OS9: variants seen among roughly 807,000 people sequenced by gnomAD.
OS9 encodes the protein protein OS-9.
Under a neutral mutation model 84.7 loss-of-function variants are expected in OS9, and 58 were observed. That is an observed-to-expected ratio of 0.68 (90% CI 0.55 to 0.85). The LOEUF (loss-of-function observed/expected upper bound fraction) is 0.85. Ranked by LOEUF, OS9 falls within the 40% of genes least tolerant of loss-of-function variation. The pLI is 0.00. For synonymous variants in OS9, 278 were observed against 320.8 expected (o/e 0.87, Z 1.43); for missense variants, 760 against 850.9 (o/e 0.89, Z 1.33).
chr12:57,710,267 T>C (rs1412727810), intron 5 of OS9, among the ~76,000 whole-genome samples: 1 of 152,232 alleles, frequency 6.6e-6, no homozygotes, highest in Non-Finnish European at 1.5e-5. Context: ...TCATTTCATC[T>C]AACTTTTAAG....
chr12:57,709,139 G>A (rs1475587152), intron 5 of OS9, among the ~76,000 whole-genome samples: 1 of 152,020 alleles, frequency 6.6e-6, no homozygotes, highest in African/African-American at 2.4e-5. Context: ...TTCTTTGCTC[G>A]TTTTCCTAAT....
chr12:57,718,974 C>A lies in OS9; in HGVS notation c.1411-19C>A. The A allele has an allele frequency of 6.2e-7, 1 of 1,601,600 alleles. No homozygotes were observed. The highest frequency in any genetic ancestry group is 8.5e-7 in the Non-Finnish European group (1 of 1,170,810). On this transcript the variant is annotated intron_variant, in intron 11 of 14. Transcript: ENST00000315970. The stretch of plus-strand genomic sequence containing the variant: ...ACACCCCAGACCCTTGACTCACTCT[C>A]TTCTCTTGGGTATTCCAGACAGAGA...
chr12:57,713,474 G>A (rs1303662360), intron 5 of OS9, among the ~76,000 whole-genome samples: 2 of 152,116 alleles, frequency 1.3e-5, no homozygotes, highest in Admixed American at 6.5e-5. Flanking sequence ...GCAAGCTTCC[G>A]TGAGGGCAAT....
intron 5 of OS9, among the ~76,000 whole-genome samples, chr12:57,702,836 A>C (rs1390497238): frequency 6.6e-6 from 1 of 152,138 alleles, no homozygotes; most frequent in African/African-American, 2.4e-5. Context: ...CCTAGTGATT[A>C]ATGATGTTGA....
Position 57,694,943 on chromosome 12 carries a change from T to G in OS9, c.339+17T>G. On this transcript the variant is annotated intron_variant, in intron 2 of 14. Transcript: ENST00000315970. ...TTGCTGAAGGTGAAAGGGACTGGGT[T>G]AGATAGAATGAGGGCTTGGAAACTA... The G allele has an allele frequency of 6.2e-7, 1 of 1,612,218 alleles. No homozygotes were observed. Among genetic ancestry groups the G allele is most frequent in the Non-Finnish European group, 8.5e-7 (1 of 1,178,396 alleles).
rs771655938 is a variant in OS9 at position 57,720,463 on chromosome 12, G to T, written c.1823G>T (p.Arg608Leu). 6.2e-7 allele frequency: 1 copy of T among 1,614,096 alleles called. No individual in the cohort carries two copies. The highest frequency in any genetic ancestry group is 8.5e-7 in the Non-Finnish European group (1 of 1,179,892). Residue 608 changes from arginine to leucine, a missense_variant, in exon 14 of 15, where the codon CGT (arginine) becomes CTT (leucine). Arg to Leu is a moderately radical substitution (Grantham distance 102). Transcript: ENST00000315970. Reference sequence around the variant, plus strand: ...GCTGAAGGGACTGAAGAGGGTGCACGTTGGCTGACTGATGAGGACACGAGA... The same window carrying T: ...GCTGAAGGGACTGAAGAGGGTGCACTTTGGCTGACTGATGAGGACACGAGA... ...PWAEGTEEGA[R>L]WLTDEDTRNL...
At chr12:57,696,095 G>T in intron 4 of OS9, 57 bp downstream of exon 4, 1 of 1,370,840 alleles carries the variant, frequency 7.3e-7, no homozygotes, top group South Asian at 1.2e-5. Flanking sequence ...TGAGAGCCCT[G>T]ACAAGAAGGG....
rs1954554146 is a variant in OS9, at chr12:57,717,955, A to G, written c.1131A>G (p.Lys377=). 6.2e-7 allele frequency: 1 copy of G among 1,609,836 alleles called. No homozygotes were observed. Among genetic ancestry groups the G allele is most frequent in the Non-Finnish European group, 8.5e-7 (1 of 1,178,478 alleles). ...RFIEELKGGT[K]KGKPNIGQEQ... ...TAGAGGAGCTGAAAGGTGGAACAAA[A>G]AAGGTATAGGCCGTGCTTAGGGAAT... The change falls in exon 10 of 15, where the codon AAA becomes AAG. Residue 377 remains lysine (K), a synonymous_variant. Transcript: ENST00000315970.
intron 12 of OS9, 138 bp downstream of exon 12, chr12:57,719,320 C>A: frequency 3.0e-6 from 2 of 674,374 alleles, no homozygotes; most frequent in Non-Finnish European, 5.1e-6. Flanking sequence ...ACTGTCCTCA[C>A]TTGCGCCTGC....
chr12:57,720,037 A>C, intron 12 of OS9, 62 bp from the exon 13 acceptor site: 340 of 1,501,676 alleles, frequency 2.3e-4, no homozygotes, highest in Non-Finnish European at 2.9e-4. Flanking sequence ...GATGACCCCC[A>C]CACCCCTAAC....
In OS9 at chr12:57,718,162, G is replaced by T. The variant is rs767657519; in HGVS notation, c.1151G>T (p.Gly384Val). Reference sequence around the variant, plus strand: ...CCCACCCAGGGGAAGCCAAATATAGGCCAAGAGCAGCCTGTGGATGATGCT... The same window carrying T: ...CCCACCCAGGGGAAGCCAAATATAGTCCAAGAGCAGCCTGTGGATGATGCT... ...GGTKKGKPNIGQEQPVDDAAE... is the reference protein window; with the variant it reads ...GGTKKGKPNIVQEQPVDDAAE... The change falls in exon 11 of 15, where the codon GGC (glycine) becomes GTC (valine). Residue 384 changes from glycine (G) to valine (V), a missense_variant. Transcript: ENST00000315970. The T allele has an allele frequency of 8.7e-6, 14 of 1,613,866 alleles. No individual in the cohort carries two copies. The highest frequency in any genetic ancestry group is 2.2e-5 in the East Asian group (1 of 44,894).
At chr12:57,697,918 CACACAT>C (rs1457823629) in intron 5 of OS9, among the ~76,000 whole-genome samples, 80 of 76,402 alleles carry the variant, frequency 1.0e-3, no homozygotes, top group African/African-American at 3.7e-3. Flanking sequence ...AACACACACA[CACACAT>C]ACACACACAC....
At chr12:57,697,882 C>CACACACACACACACAT (rs1953896454) in intron 5 of OS9, among the ~76,000 whole-genome samples, 2 of 145,274 alleles carry the variant, frequency 1.4e-5, no homozygotes, top group Admixed American at 6.8e-5. Flanking sequence ...CACACACACA[C>CACACACACACACACAT]ACACACACGG....
intron 5 of OS9, among the ~76,000 whole-genome samples, chr12:57,707,429 G>A (rs1954202397): frequency 6.6e-6 from 1 of 152,208 alleles, no homozygotes. Flanking sequence ...CAAGTGGGGA[G>A]CCAGAGTCTC....
intron 5 of OS9, among the ~76,000 whole-genome samples, chr12:57,710,015 G>C (rs113498498): frequency 0.013 from 2,001 of 152,110 alleles, 40 homozygotes; most frequent in African/African-American, 0.046. Context: ...ACCATGCCCA[G>C]CTAATTTTTG....
chr12:57,710,733 A>T (rs1177439795), intron 5 of OS9, among the ~76,000 whole-genome samples: 2 of 152,152 alleles, frequency 1.3e-5, no homozygotes, highest in Non-Finnish European at 2.9e-5. Flanking sequence ...GTATTATTTA[A>T]AAGGTATGTA....
intron 5 of OS9, among the ~76,000 whole-genome samples, chr12:57,714,331 C>T (rs376546687): frequency 3.5e-4 from 54 of 152,164 alleles, no homozygotes; most frequent in East Asian, 2.1e-3. Flanking sequence ...CTCAGCCTCC[C>T]GAGTAGCTGG....
At chr12:57,708,323 A>G (rs1250573541) in intron 5 of OS9, among the ~76,000 whole-genome samples, 6 of 151,746 alleles carry the variant, frequency 4.0e-5, no homozygotes, top group Admixed American at 1.3e-4. Flanking sequence ...CTCTTTCCAA[A>G]TCAATATATA....
intron 6 of OS9, 29 bp downstream of exon 6, chr12:57,715,999 G>C (rs778664759): frequency 1.0e-5 from 16 of 1,603,024 alleles, no homozygotes; most frequent in Non-Finnish European, 1.4e-5. Context: ...AGGAGAAGAC[G>C]GGGAGATACG....
Sources: allele counts gnomAD v4.1 joint callset (sites outside exome capture counted in the v4.1 genomes callset), GRCh38; gene constraint gnomAD v4.1.1; transcripts MANE v1.5; gene names NCBI Gene and HGNC (gene_info 2026-07-23, HGNC 2026-07-21).